The following KCNJ3 variants were observed in gnomAD, a reference collection of about 807,000 sequenced individuals.
KCNJ3 encodes G protein-activated inward rectifier potassium channel 1.
KCNJ3 carries 4 observed loss-of-function variants against 39.2 expected under a neutral mutation model. The ratio of observed to expected loss-of-function variants is 0.10; its 90% CI spans 0.05 to 0.23. The LOEUF (loss-of-function observed/expected upper bound fraction) is 0.23. Among genes scored for constraint, KCNJ3 ranks in the 10% least tolerant of loss-of-function variants. The pLI, the probability that KCNJ3 is intolerant of heterozygous loss-of-function variation, is 1.00. For missense variants in KCNJ3, 276 were observed against 634.9 expected, an observed-to-expected ratio of 0.43 and a Z score of 6.08; for synonymous variants, 230 against 237.4, an observed-to-expected ratio of 0.97 and a Z score of 0.29.
At chr2:154,808,269 T>C (rs1686949554) in intron 2 of KCNJ3, among the ~76,000 whole-genome samples, 1 of 151,882 alleles carries the variant, frequency 6.6e-6, no homozygotes, top group East Asian at 1.9e-4. Context: ...TTAGTAGAGA[T>C]GGCGTTTCAC....
intron 2 of KCNJ3, among the ~76,000 whole-genome samples, chr2:154,727,008 T>G (rs1257216418): frequency 6.6e-6 from 1 of 151,860 alleles, no homozygotes; most frequent in Admixed American, 6.6e-5. Context: ...CTTTGGGGAC[T>G]AAGAGGAAAG....
chr2:154,820,412 CTA>C (rs1491255227), intron 2 of KCNJ3, among the ~76,000 whole-genome samples: 3 of 152,136 alleles, frequency 2.0e-5, no homozygotes, highest in African/African-American at 7.2e-5. Context: ...TCATTTTTAA[CTA>C]AAATATTTCA....
At chr2:154,723,284 C>T (rs1451510560) in intron 2 of KCNJ3, among the ~76,000 whole-genome samples, 2 of 131,952 alleles carry the variant, frequency 1.5e-5, no homozygotes, top group African/African-American at 2.8e-5. Flanking sequence ...GATCCTGTCT[C>T]AAAAATAAAA....
intron 2 of KCNJ3, among the ~76,000 whole-genome samples, chr2:154,780,741 A>C (rs1686425682): frequency 6.6e-6 from 1 of 152,166 alleles, no homozygotes; most frequent in South Asian, 2.1e-4. Flanking sequence ...TACCATATGC[A>C]TGTATTTAGA....
intron 1 of KCNJ3, among the ~76,000 whole-genome samples, chr2:154,705,295 C>T (rs574688551): frequency 6.6e-5 from 10 of 152,242 alleles, no homozygotes; most frequent in South Asian, 6.2e-4. Context: ...AAATGTGGAT[C>T]CGCTTGTGCC....
chr2:154,758,503 T>C (rs79305770), intron 2 of KCNJ3, among the ~76,000 whole-genome samples: 5,337 of 152,262 alleles, frequency 0.035, 230 homozygotes, highest in East Asian at 0.23. Context: ...CCTAACACAA[T>C]GTAAATGCTA....
chr2:154,790,897 G>C (rs1283383001), intron 2 of KCNJ3, among the ~76,000 whole-genome samples: 1 of 152,110 alleles, frequency 6.6e-6, no homozygotes, highest in East Asian at 1.9e-4. Flanking sequence ...CCAGAAAGGG[G>C]AGAGAGTGAT....
At chr2:154,736,604 G>C (rs13036173) in intron 2 of KCNJ3, among the ~76,000 whole-genome samples, 34 of 152,028 alleles carry the variant, frequency 2.2e-4, no homozygotes, top group Admixed American at 2.2e-3. Context: ...AACAGAACTC[G>C]TAAAGAGCAA....
intron 2 of KCNJ3, among the ~76,000 whole-genome samples, chr2:154,844,668 C>T (rs534066498): frequency 6.6e-6 from 1 of 152,324 alleles, no homozygotes; most frequent in South Asian, 2.1e-4. Context: ...ATACCCCTCC[C>T]CTAGCCAGGC....
At chr2:154,707,677 A>G (rs1469057275) in intron 1 of KCNJ3, among the ~76,000 whole-genome samples, 1 of 152,156 alleles carries the variant, frequency 6.6e-6, no homozygotes, top group Non-Finnish European at 1.5e-5. Context: ...TATTATTGTC[A>G]ACAATGCCAT....
rs1006069223 is a variant in KCNJ3 at position 154,856,011 on chromosome 2, C to G, written c.*698C>G. ...AATTGTATTTTATATGAGAGAATCA[C>G]ACAAGTTTGTGCTATCTATGGCCCT... On this transcript the variant is annotated 3_prime_UTR_variant, in exon 3 of 3. Coordinates refer to ENST00000295101, the MANE Select transcript of KCNJ3 (RefSeq NM_002239.4). 6.6e-6 allele frequency: 1 copy of G among 152,456 alleles called. No individual in the cohort carries two copies. Among genetic ancestry groups the G allele is most frequent in the Non-Finnish European group, 1.5e-5 (1 of 67,972 alleles). The allele number at this position is 152,456 out of a possible 1,614,324, so 9.4% of individuals were successfully genotyped here. A position where few individuals can be genotyped will look rare whatever the true frequency, so the allele number is the denominator to read the frequency against.
At chr2:154,805,742 A>G (rs1181060883) in intron 2 of KCNJ3, among the ~76,000 whole-genome samples, 1 of 152,192 alleles carries the variant, frequency 6.6e-6, no homozygotes, top group South Asian at 2.1e-4. Flanking sequence ...ATGTGCATAT[A>G]TCACACAAAA....
At chr2:154,721,098 T>C (rs1685257438) in intron 2 of KCNJ3, among the ~76,000 whole-genome samples, 1 of 152,072 alleles carries the variant, frequency 6.6e-6, no homozygotes, top group African/African-American at 2.4e-5. Context: ...TTTTTCTACG[T>C]TCTGTGCAAA....
In KCNJ3 at chr2:154,781,736, C is replaced by T. The variant is rs16838153; in HGVS notation, c.919+71917C>T. The stretch of plus-strand genomic sequence containing the variant: ...AATATTTAGGTACTTTTTACTTGCC[C>T]GAACCATTTAATAATTTATTTGCAA... On this transcript the variant is annotated intron_variant, in intron 2 of 2. Coordinates refer to ENST00000295101, the MANE Select transcript of KCNJ3 (RefSeq NM_002239.4). Among the ~76,000 whole-genome samples the T allele has an allele frequency of 2.7e-3, 411 of 152,012 alleles. 3 individuals are homozygous for T. The highest frequency in any genetic ancestry group is 9.5e-3 in the African/African-American group (393 of 41,456).
chr2:154,715,126 A>G (rs2105155623), intron 2 of KCNJ3, among the ~76,000 whole-genome samples: 1 of 152,348 alleles, frequency 6.6e-6, no homozygotes, highest in Middle Eastern at 3.4e-3. Flanking sequence ...CCTGTTAGTA[A>G]TAACTCTCAA....
At chr2:154,722,359 C>T (rs1391925765) in intron 2 of KCNJ3, among the ~76,000 whole-genome samples, 1 of 152,072 alleles carries the variant, frequency 6.6e-6, no homozygotes, top group Non-Finnish European at 1.5e-5. Context: ...ATGTGCCATG[C>T]TACTAGGGGA....
chr2:154,753,217 C>G (rs772441351), intron 2 of KCNJ3, among the ~76,000 whole-genome samples: 6 of 152,034 alleles, frequency 3.9e-5, no homozygotes, highest in Non-Finnish European at 8.8e-5. Flanking sequence ...ATATGACACT[C>G]CCCTGTTACT....
intron 2 of KCNJ3, among the ~76,000 whole-genome samples, chr2:154,818,918 C>CTTT (rs57668487): frequency 0.062 from 3,239 of 52,428 alleles, 387 homozygotes; most frequent in East Asian, 0.2. Context: ...CTGCAAAAGC[C>CTTT]TTTTTTTTTT....
chr2:154,814,451 A>C (rs932725668), intron 2 of KCNJ3, among the ~76,000 whole-genome samples: 4 of 152,204 alleles, frequency 2.6e-5, no homozygotes, highest in African/African-American at 9.6e-5. Context: ...CAGGCTGGCC[A>C]ACATGGTGAA....
Sources: allele counts gnomAD v4.1 joint callset (sites outside exome capture counted in the v4.1 genomes callset), GRCh38; gene constraint gnomAD v4.1.1; transcripts MANE v1.5; gene names NCBI Gene and HGNC (gene_info 2026-07-23, HGNC 2026-07-21).